POLB: variants seen among roughly 807,000 people sequenced by gnomAD.
POLB encodes 5'-dRP lyase.
Under a neutral mutation model 52.7 loss-of-function variants are expected in POLB, and 37 were observed. The ratio of observed to expected loss-of-function variants is 0.70; its 90% CI spans 0.54 to 0.92. The LOEUF (loss-of-function observed/expected upper bound fraction) is 0.92. Ranked by LOEUF, POLB falls within the 40% of genes least tolerant of loss-of-function variation. The pLI is 0.00. For synonymous variants in POLB, 138 were observed against 131.3 expected (o/e 1.05, Z -0.35); for missense variants, 313 against 400.8 (o/e 0.78, Z 1.87).
intron 6 of POLB, chr8:42,354,410 T>A: frequency 1.6e-6 from 2 of 1,254,450 alleles, no homozygotes; most frequent in Non-Finnish European, 2.1e-6. Flanking sequence ...GCTGTTTCTT[T>A]AACAAGGCTC....
chr8:42,370,267 T>G (rs1019927794), intron 13 of POLB: 5 of 460,244 alleles, frequency 1.1e-5, no homozygotes, highest in East Asian at 5.5e-5. Flanking sequence ...GGGTTTTTTT[T>G]TTTTTTTTTT....
In POLB at chr8:42,367,121, C is replaced by T. The variant is rs150015764; in HGVS notation, c.709-2150C>T. On this transcript the variant is annotated intron_variant, in intron 11 of 13. Coordinates refer to ENST00000265421, the MANE Select transcript of POLB (RefSeq NM_002690.3). The stretch of plus-strand genomic sequence containing the variant: ...CAGCAGTTGTATTCAGTCAGTTCAG[C>T]AAATACATACAAGCATGTCCTCCAT... Among the ~76,000 whole-genome samples, 3 of 152,264 alleles carry T rather than the reference C, an allele frequency of 2.0e-5. No homozygotes were observed. In the East Asian group the frequency reaches 5.8e-4, roughly 29 times the overall value.
chr8:42,354,424 G>A, intron 6 of POLB: 2 of 1,274,374 alleles, frequency 1.6e-6, no homozygotes, highest in Non-Finnish European at 2.1e-6. Context: ...AAGGCTCACA[G>A]CTGGATTCAT....
At chr8:42,360,750 A>T (rs558952377) in intron 9 of POLB, among the ~76,000 whole-genome samples, 273 of 138,006 alleles carry the variant, frequency 2.0e-3, no homozygotes, top group Admixed American at 4.5e-3. Flanking sequence ...TTTTCTTTTT[A>T]AAAAAAAAAA....
chr8:42,341,860 G>A (rs934593161), intron 2 of POLB: 1 of 592,218 alleles, frequency 1.7e-6, no homozygotes, highest in South Asian at 1.6e-5. Context: ...TTTTGGGATG[G>A]TTCCACCTCT....
rs752027611 is a variant in POLB, at chr8:42,352,571, G to A, written c.370+3G>A. The A allele has an allele frequency of 9.0e-6, 14 of 1,550,676 alleles. No individual in the cohort carries two copies. Among genetic ancestry groups the A allele is most frequent in the Admixed American group, 1.7e-5 (1 of 59,946 alleles). On this transcript the variant is annotated splice_donor_region_variant and intron_variant, in intron 6 of 13. Transcript: ENST00000265421. ...TGAAGGAATTAAAACACTAGAAGGT[G>A]AGTATGACTGTAGGTCACTAATTCC... is the stretch of plus-strand genomic sequence containing the variant.
intron 11 of POLB, among the ~76,000 whole-genome samples, chr8:42,363,193 G>C (rs1162782805): frequency 6.6e-6 from 1 of 150,912 alleles, no homozygotes; most frequent in Non-Finnish European, 1.5e-5. Context: ...AATATTTTAG[G>C]AAAGAATTTT....
chr8:42,355,029 T>G (rs2976238), intron 6 of POLB, among the ~76,000 whole-genome samples: 115,890 of 151,688 alleles, frequency 0.76, 48,317 homozygotes, highest in Non-Finnish European at 0.93. Flanking sequence ...TGTGATTCTG[T>G]TTTTTTTTGT....
Position 42,338,655 on chromosome 8 carries a change from C to G in POLB, c.31C>G (p.Leu11Val). Reference sequence around the variant, plus strand: ...CAAACGGAAGGCGCCGCAGGAGACTCTCAACGGGGGAATCACCGACATGCT... The same window carrying G: ...CAAACGGAAGGCGCCGCAGGAGACTGTCAACGGGGGAATCACCGACATGCT... MSKRKAPQET[L>V]NGGITDMLTE... The change falls in exon 1 of 14, where the codon CTC becomes GTC. Residue 11 changes from leucine to valine, a missense_variant. Around this residue, in one of 3 missense-constraint regions of POLB, gnomAD observed 54 missense variants for 63.4 expected, o/e 0.85. Coordinates refer to ENST00000265421, the MANE Select transcript of POLB (RefSeq NM_002690.3). The G allele has an allele frequency of 6.2e-7, 1 of 1,614,208 alleles. No homozygotes were observed.
In POLB at chr8:42,351,875, G is replaced by A. The variant is rs533165973; in HGVS notation, c.321-644G>A. The stretch of plus-strand genomic sequence containing the variant: ...GTACTGTTCCATAGCACCTCATACC[G>A]TCACTTACATCACTCTATGCATCCT... On this transcript the variant is annotated intron_variant, in intron 5 of 13. Coordinates refer to ENST00000265421, the MANE Select transcript of POLB (RefSeq NM_002690.3). Among the ~76,000 whole-genome samples the A allele has an allele frequency of 3.6e-4, 55 of 152,236 alleles. No individual in the cohort carries two copies. The South Asian group carries it at 8.7e-3, about 24-fold the overall frequency.
chr8:42,361,557 G>C (rs1366923609), intron 10 of POLB, 192 bp downstream of exon 10: 5 of 577,948 alleles, frequency 8.7e-6, no homozygotes, highest in Non-Finnish European at 1.5e-5. Flanking sequence ...TCCATGAGTT[G>C]CTGGGAGGAC....
chr8:42,352,579 C>T lies in POLB; in HGVS notation c.370+11C>T. 6.6e-7 allele frequency: 1 copy of T among 1,506,952 alleles called. No individual in the cohort carries two copies. Among genetic ancestry groups the T allele is most frequent in the Non-Finnish European group, 9.2e-7 (1 of 1,082,446 alleles). The allele number at this position is 1,506,952 out of a possible 1,614,324, so 93.3% of individuals were successfully genotyped here. ...TTAAAACACTAGAAGGTGAGTATGA[C>T]TGTAGGTCACTAATTCCAGATTAAA... On this transcript the variant is annotated intron_variant, in intron 6 of 13. Coordinates refer to ENST00000265421, the MANE Select transcript of POLB (RefSeq NM_002690.3).
chr8:42,362,898 G>A (rs1274957675), intron 11 of POLB, among the ~76,000 whole-genome samples, 200 bp downstream of exon 11: 1 of 152,204 alleles, frequency 6.6e-6, no homozygotes, highest in South Asian at 2.1e-4. Flanking sequence ...GCCGAGGCGG[G>A]TGGATCGCCT....
At chr8:42,341,364 C>T (rs1192398639) in intron 2 of POLB, among the ~76,000 whole-genome samples, 1 of 152,184 alleles carries the variant, frequency 6.6e-6, no homozygotes, top group Non-Finnish European at 1.5e-5. Flanking sequence ...ACTGTGTTTG[C>T]CTGCTCCTTT....
chr8:42,357,613 C>T (rs576113201), intron 9 of POLB: 27 of 432,708 alleles, frequency 6.2e-5, no homozygotes, highest in African/African-American at 3.3e-4. Context: ...CTAGTTTTAA[C>T]GACGTTTATT....
rs776500125 is a variant in POLB, at chr8:42,352,526, G to A, written c.328G>A (p.Ala110Thr). ...LTRVSGIGPS[A>T]ARKFVDEGIK... ...ATGCTTTTGTTTTTGTAGTCCATCTGCTGCAAGGAAGTTTGTAGATGAAGG... is the reference window on the plus strand; with the variant it reads ...ATGCTTTTGTTTTTGTAGTCCATCTACTGCAAGGAAGTTTGTAGATGAAGG... The change falls in exon 6 of 14, where the codon GCT (alanine) becomes ACT (threonine). Residue 110 changes from alanine (A) to threonine (T), a missense_variant. By Grantham distance (58) the Ala-to-Thr change is moderately conservative. Transcript: ENST00000265421. The A allele has an allele frequency of 1.2e-6, 2 of 1,600,848 alleles. No homozygotes were observed. The highest frequency in any genetic ancestry group is 1.1e-5 in the South Asian group (1 of 90,782).
At chr8:42,349,914 C>G in intron 4 of POLB, 93 bp from the exon 5 acceptor site, 1 of 857,652 alleles carries the variant, frequency 1.2e-6, no homozygotes, top group South Asian at 1.4e-5. Context: ...AATAGCTCTT[C>G]ATGTCTTTTA....
chr8:42,342,188 A>G, intron 2 of POLB: 1 of 1,551,056 alleles, frequency 6.4e-7, no homozygotes. Flanking sequence ...AGTTCTGGCA[A>G]GGCCTGCATC....
intron 5 of POLB, among the ~76,000 whole-genome samples, chr8:42,351,956 C>G (rs1822998751): frequency 6.6e-6 from 1 of 152,178 alleles, no homozygotes; most frequent in Admixed American, 6.5e-5. Context: ...GGCCCTTGCA[C>G]TAATTGTTTC....
Sources: allele counts gnomAD v4.1 joint callset (sites outside exome capture counted in the v4.1 genomes callset), GRCh38; gene constraint gnomAD v4.1.1; regional missense constraint gnomAD v4.1.1; transcripts MANE v1.5; gene names NCBI Gene and HGNC (gene_info 2026-07-23, HGNC 2026-07-21).